Variants in SV2C observed in about 807,000 individuals in gnomAD.
SV2C encodes the protein synaptic vesicle glycoprotein 2C.
Under a neutral mutation model 79.7 loss-of-function variants are expected in SV2C, and 49 were observed. That is an observed-to-expected ratio of 0.61 (90% CI 0.49 to 0.78). The LOEUF (loss-of-function observed/expected upper bound fraction) is 0.78. Among genes scored for constraint, SV2C ranks in the 30% least tolerant of loss-of-function variants. SV2C has a pLI of 0.00. For synonymous variants in SV2C, 334 were observed against 333.2 expected, an observed-to-expected ratio of 1.00 and a Z score of -0.03; for missense variants, 833 against 912.9, an observed-to-expected ratio of 0.91 and a Z score of 1.13.
rs35414870 is a variant in SV2C at position 76,312,263 on chromosome 5, T to TG, written c.2000+10728dup. Among the ~76,000 whole-genome samples the TG allele has an allele frequency of 6.0e-3, 865 of 144,884 alleles. 9 individuals are homozygous for TG. Among genetic ancestry groups the TG allele is most frequent in the African/African-American group, 0.017 (657 of 39,056 alleles). On this transcript the variant is annotated intron_variant, in intron 12 of 12. Transcript: ENST00000502798. ...TGGCTCAGGGGCCACTTTTTTTTTT[T>TG]GGGGGGGGGGACAGGGTCTCACTCT...
At chr5:76,044,529 A>G in the SV2C span, among the ~76,000 whole-genome samples, 1 of 152,212 alleles carries the variant, frequency 6.6e-6, no homozygotes, top group Non-Finnish European at 1.5e-5. Flanking sequence ...TCCCACCAAT[A>G]GTGTAAAAGC....
chr5:76,171,652 G>C (rs1743261920), intron 2 of SV2C, among the ~76,000 whole-genome samples: 1 of 146,140 alleles, frequency 6.8e-6, no homozygotes, highest in South Asian at 2.2e-4. Context: ...CCCCATCCGG[G>C]AGGGAGGTGG....
chr5:76,318,991 G>A (rs541244591), intron 12 of SV2C, among the ~76,000 whole-genome samples: 11 of 152,332 alleles, frequency 7.2e-5, no homozygotes, highest in Admixed American at 2.0e-4. Context: ...AAGCAATACA[G>A]TTTCCTTTAA....
chr5:75,922,207 A>G, the SV2C span, among the ~76,000 whole-genome samples: 1 of 152,162 alleles, frequency 6.6e-6, no homozygotes, highest in Non-Finnish European at 1.5e-5. Context: ...CAAATAATGC[A>G]GGCCATAAGT....
At chr5:76,158,515 T>C (rs1390281425) in intron 2 of SV2C, among the ~76,000 whole-genome samples, 1 of 151,066 alleles carries the variant, frequency 6.6e-6, no homozygotes, top group Non-Finnish European at 1.5e-5. Flanking sequence ...TATAGACATA[T>C]ATCCAGTAAA....
chr5:76,189,391 TAAAAC>T (rs1297441554), intron 2 of SV2C, among the ~76,000 whole-genome samples: 1 of 152,070 alleles, frequency 6.6e-6, no homozygotes, highest in African/African-American at 2.4e-5. Context: ...CCTTTGGTAA[TAAAAC>T]AAACCAATTT....
At chr5:75,960,015 A>C in the SV2C span, among the ~76,000 whole-genome samples, 3 of 152,108 alleles carry the variant, frequency 2.0e-5, no homozygotes, top group South Asian at 6.2e-4. Flanking sequence ...CAGCCTTAAG[A>C]TATAAAACTT....
the SV2C span, among the ~76,000 whole-genome samples, chr5:76,062,175 A>T: frequency 6.6e-6 from 1 of 151,946 alleles, no homozygotes; most frequent in Non-Finnish European, 1.5e-5. Context: ...AGTCTGATAG[A>T]TGGTATTATG....
At chr5:76,176,016 C>T (rs749169627) in intron 2 of SV2C, among the ~76,000 whole-genome samples, 2 of 152,192 alleles carry the variant, frequency 1.3e-5, no homozygotes, top group Non-Finnish European at 2.9e-5. Flanking sequence ...TTCCACACTG[C>T]TCTGCTTATC....
At chr5:76,317,443 A>ACCCCC (rs1561314526) in intron 12 of SV2C, among the ~76,000 whole-genome samples, 10 of 142,714 alleles carry the variant, frequency 7.0e-5, no homozygotes, top group African/African-American at 2.8e-4. Context: ...ACCCCCCCCA[A>ACCCCC]CACACACACA....
At chr5:76,336,683 G>A (rs1749336466), downstream of SV2C, among the ~76,000 whole-genome samples, 1 of 152,174 alleles carries the variant, frequency 6.6e-6, no homozygotes, top group East Asian at 1.9e-4. Context: ...TCGCAGTTAG[G>A]AGCTGGAGAC....
At chr5:76,223,922 A>C (rs988649993) in intron 4 of SV2C, among the ~76,000 whole-genome samples, 4 of 151,800 alleles carry the variant, frequency 2.6e-5, no homozygotes, top group Non-Finnish European at 5.9e-5. Context: ...GGGGATGGGG[A>C]AGTGGTGGGG....
At chr5:76,338,074 C>CA (rs1375464600), downstream of SV2C, among the ~76,000 whole-genome samples, 1 of 152,212 alleles carries the variant, frequency 6.6e-6, no homozygotes, top group Admixed American at 6.5e-5. Flanking sequence ...GTGGGGAGAG[C>CA]AAATGCATCA....
At chr5:76,120,804 T>A (rs1748464284) in intron 1 of SV2C, among the ~76,000 whole-genome samples, 1 of 150,584 alleles carries the variant, frequency 6.6e-6, no homozygotes, top group South Asian at 2.1e-4. Flanking sequence ...TCTTTGCTAT[T>A]GTGAATAGTG....
the SV2C span, among the ~76,000 whole-genome samples, chr5:75,977,028 G>A: frequency 0.016 from 2,364 of 152,176 alleles, 82 homozygotes; most frequent in African/African-American, 0.053. Context: ...TGACAGAAAA[G>A]GGTATTGGAA....
intron 12 of SV2C, among the ~76,000 whole-genome samples, chr5:76,302,610 A>G (rs1285214148): frequency 3.4e-5 from 5 of 145,902 alleles, no homozygotes; most frequent in Non-Finnish European, 7.5e-5. Flanking sequence ...AGTCTGGACA[A>G]CAAGAGTGAG....
the SV2C span, among the ~76,000 whole-genome samples, chr5:75,890,607 A>G: frequency 1.3e-5 from 2 of 152,076 alleles, no homozygotes; most frequent in South Asian, 4.1e-4. Flanking sequence ...TGCTTAGAGG[A>G]GGACATTTAT....
At chr5:76,351,967 T>C (rs246796) in intron 12 of SV2C, among the ~76,000 whole-genome samples, 70,747 of 152,014 alleles carry the variant, frequency 0.47, 17,159 homozygotes, top group African/African-American at 0.57. Flanking sequence ...AATCTCAACA[T>C]TTTGGGAGTC....
intron 1 of SV2C, among the ~76,000 whole-genome samples, chr5:76,101,470 T>G (rs1747741016): frequency 6.6e-6 from 1 of 152,280 alleles, no homozygotes; most frequent in South Asian, 2.1e-4. Flanking sequence ...TCTTGAGTGC[T>G]AGGCACTGCC....
Sources: allele counts gnomAD v4.1 joint callset (sites outside exome capture counted in the v4.1 genomes callset), GRCh38; gene constraint gnomAD v4.1.1; transcripts MANE v1.5; gene names NCBI Gene and HGNC (gene_info 2026-07-23, HGNC 2026-07-21).